The following RASGEF1C variants were observed in gnomAD, a reference collection of about 807,000 sequenced individuals.
RASGEF1C encodes ras-GEF domain-containing family member 1C.
Under a neutral mutation model 58.1 loss-of-function variants are expected in RASGEF1C, and 27 were observed. That is an observed-to-expected ratio of 0.46 (90% CI 0.34 to 0.64). The LOEUF (loss-of-function observed/expected upper bound fraction) is 0.64. RASGEF1C is among the 30% of genes least tolerant of loss of function. RASGEF1C has a pLI of 0.01. For missense variants in RASGEF1C, 502 were observed against 605.1 expected (o/e 0.83, Z 1.79); for synonymous variants, 243 against 246.3 (o/e 0.99, Z 0.13).
At chr5:180,162,836 T>C (rs1373367600) in intron 1 of RASGEF1C, among the ~76,000 whole-genome samples, 1 of 152,222 alleles carries the variant, frequency 6.6e-6, no homozygotes, top group Non-Finnish European at 1.5e-5. Context: ...CTTTACTACG[T>C]TGAGTCTTCC....
At chr5:180,191,363 ATTTT>A (rs35378832) in intron 1 of RASGEF1C, among the ~76,000 whole-genome samples, 2 of 150,668 alleles carry the variant, frequency 1.3e-5, no homozygotes, top group African/African-American at 4.9e-5. Flanking sequence ...TTATTTACTT[ATTTT>A]TTTTTTTGAG....
rs115331602 is a variant in RASGEF1C at position 180,201,108 on chromosome 5, C to G, written c.-7+7920G>C. 5.1e-3 allele frequency among the ~76,000 whole-genome samples: 771 copies of G among 152,162 alleles called. 3 individuals are homozygous for G. Among genetic ancestry groups the G allele is most frequent in the Middle Eastern group, 0.017 (5 of 294 alleles). On this transcript the variant is annotated intron_variant, in intron 1 of 13. Coordinates refer to ENST00000361132, the MANE Select transcript of RASGEF1C (RefSeq NM_175062.4). ...GCGAGACCTTGTCTCTAAATAAAAA[C>G]AAGAAGAAGAAAGTCCCACCCTACA...
intron 1 of RASGEF1C, among the ~76,000 whole-genome samples, chr5:180,170,695 C>G (rs538344135): frequency 2.4e-4 from 37 of 152,342 alleles, no homozygotes; most frequent in Non-Finnish European, 4.4e-4. Flanking sequence ...GGTGCTCTCC[C>G]TTTACCCCAG....
intron 1 of RASGEF1C, among the ~76,000 whole-genome samples, chr5:180,200,244 C>T (rs1561759744): frequency 6.7e-6 from 1 of 148,666 alleles, no homozygotes; most frequent in Non-Finnish European, 1.5e-5. Context: ...CCAGCCTGGG[C>T]TACAGAGCTG....
rs1468952775 is a variant in RASGEF1C at position 180,191,471 on chromosome 5, C to T, written c.-7+17557G>A. Among the ~76,000 whole-genome samples, 4 of 152,324 alleles carry T rather than the reference C, an allele frequency of 2.6e-5. No individual in the cohort carries two copies. In the South Asian group the frequency reaches 8.3e-4, roughly 32 times the overall value. ...TCCCGGGTTCACGCCATTCTCCTGCCTCAGCCTCCCAAGTAGCTGGGACTA... is the reference window on the plus strand; with the variant it reads ...TCCCGGGTTCACGCCATTCTCCTGCTTCAGCCTCCCAAGTAGCTGGGACTA... On this transcript the variant is annotated intron_variant, in intron 1 of 13. Transcript: ENST00000361132.
rs1358872163 is a variant in RASGEF1C at position 180,163,248 on chromosome 5, TTTTTC to T, written c.-6-25195_-6-25191del. Reference sequence around the variant, plus strand: ...CCCCCTCACTTTTTTTTTTTTTTTTTTTTTCCAGCCTATTGCACTGGCTAGGACTT... The same window carrying T: ...CCCCCTCACTTTTTTTTTTTTTTTTTCAGCCTATTGCACTGGCTAGGACTT... On this transcript the variant is annotated intron_variant, in intron 1 of 13. Coordinates refer to ENST00000361132, the MANE Select transcript of RASGEF1C (RefSeq NM_175062.4). Among the ~76,000 whole-genome samples, 9 of 82,228 alleles carry T rather than the reference TTTTTC, an allele frequency of 1.1e-4. 1 individual carries two copies. The highest frequency in any genetic ancestry group is 1.8e-4 in the Admixed American group (1 of 5,704). 53.9% of individuals were successfully genotyped at this position (82,228 alleles called of 152,430 possible). A position where few individuals can be genotyped will look rare whatever the true frequency, so the allele number is the denominator to read the frequency against.
At chr5:180,111,710 G>C in intron 11 of RASGEF1C, 130 bp from the exon 12 acceptor site, 1 of 960,852 alleles carries the variant, frequency 1.0e-6, no homozygotes, top group Non-Finnish European at 1.6e-6. Flanking sequence ...AGGAGCAGGG[G>C]GCGATAAATG....
intron 12 of RASGEF1C, among the ~76,000 whole-genome samples, chr5:180,104,762 C>T (rs1765847823): frequency 6.6e-6 from 1 of 152,172 alleles, no homozygotes; most frequent in Non-Finnish European, 1.5e-5. Context: ...ATTTAATAGT[C>T]ACAGGGCTAT....
Position 180,137,602 on chromosome 5 carries a change from C to T in RASGEF1C, c.288G>A (p.Pro96=). Residue 96 remains proline (P), a synonymous_variant, in exon 3 of 14, where the codon CCG becomes CCA. Transcript: ENST00000361132. The surrounding 1 kb of genome is among the most constrained non-coding windows in gnomAD (Gnocchi z 4.1). ...LCIEQQQLDK[P]VLDKARVRKF... ...CCCTCCGCCTCACCTTGTCCAGCAC[C>T]GGCTTGTCCAGCTGCTGCTGCTCGA... 2 of 1,605,276 alleles carry T rather than the reference C, an allele frequency of 1.2e-6. No individual in the cohort carries two copies. The highest frequency in any genetic ancestry group is 1.1e-5 in the South Asian group (1 of 90,492).
intron 1 of RASGEF1C, among the ~76,000 whole-genome samples, chr5:180,183,023 T>C (rs1755936394): frequency 2.6e-5 from 4 of 152,210 alleles, no homozygotes; most frequent in Non-Finnish European, 5.9e-5. Context: ...GTTTTGCAAG[T>C]TTAAGTAAAG....
chr5:180,172,478 G>C (rs755932468), intron 1 of RASGEF1C, among the ~76,000 whole-genome samples: 2 of 152,156 alleles, frequency 1.3e-5, no homozygotes, highest in African/African-American at 2.4e-5. Flanking sequence ...GAGGGACAGG[G>C]GGCACAGCAG....
intron 1 of RASGEF1C, among the ~76,000 whole-genome samples, chr5:180,195,915 A>T (rs566570142): frequency 2.8e-4 from 43 of 152,310 alleles, no homozygotes; most frequent in Non-Finnish European, 5.1e-4. Flanking sequence ...GAATATTATT[A>T]AAAACACTTA....
intron 6 of RASGEF1C, among the ~76,000 whole-genome samples, chr5:180,124,536 A>G (rs1766224751): frequency 6.6e-6 from 1 of 152,224 alleles, no homozygotes; most frequent in Non-Finnish European, 1.5e-5. Flanking sequence ...ACATTGATTA[A>G]AAAAACAGCC....
intron 1 of RASGEF1C, among the ~76,000 whole-genome samples, chr5:180,203,720 C>T (rs76380957): frequency 0.07 from 10,585 of 152,242 alleles, 562 homozygotes; most frequent in African/African-American, 0.13. Context: ...ACAGGCTGGG[C>T]GCGGTGGCTC....
At chr5:180,133,054 T>C (rs1766397579) in intron 4 of RASGEF1C, among the ~76,000 whole-genome samples, 1 of 149,452 alleles carries the variant, frequency 6.7e-6, no homozygotes, top group African/African-American at 2.5e-5. Flanking sequence ...GCCCAGTGGG[T>C]ATGGCCAGAG....
intron 1 of RASGEF1C, among the ~76,000 whole-genome samples, chr5:180,189,833 G>A (rs1756112808): frequency 7.6e-6 from 1 of 132,438 alleles, no homozygotes; most frequent in Admixed American, 9.2e-5. Context: ...TGAGGCAGGA[G>A]ATTTGCTTGA....
At position 180,137,469 on chromosome 5, in the gene RASGEF1C, G is replaced by T; in HGVS notation, c.300+121C>A. 7.3e-7 allele frequency: 1 copy of T among 1,374,304 alleles called. No homozygotes were observed. The highest frequency in any genetic ancestry group is 1.0e-6 in the Non-Finnish European group (1 of 1,003,134). 85.1% of individuals were successfully genotyped at this position (1,374,304 alleles called of 1,614,324 possible). A position where few individuals can be genotyped will look rare whatever the true frequency, so the allele number is the denominator to read the frequency against. On this transcript the variant is annotated intron_variant, in intron 3 of 13. Transcript: ENST00000361132. This position sits in a 1 kb window ranked among gnomAD's most constrained non-coding sequence, Gnocchi z 4.1. ...GGCCTCAGACAAGGTGGAAACACCC[G>T]GTAGCCACCTTGTCAGGAAAACGGG...
Position 180,137,603 on chromosome 5 carries a change from G to A in RASGEF1C, c.287C>T (p.Pro96Leu), listed in dbSNP as rs182311315. The A allele has an allele frequency of 8.1e-6, 13 of 1,606,850 alleles. No individual in the cohort carries two copies. In the African/African-American group the frequency reaches 1.2e-4, roughly 15 times the overall value. Residue 96 changes from proline (P) to leucine (L), a missense_variant, in exon 3 of 14, where the codon CCG becomes CTG. Transcript: ENST00000361132. This position sits in a 1 kb window ranked among gnomAD's most constrained non-coding sequence, Gnocchi z 4.1. ...LCIEQQQLDK[P>L]VLDKARVRKF... ...CCTCCGCCTCACCTTGTCCAGCACCGGCTTGTCCAGCTGCTGCTGCTCGAT... is the reference window on the plus strand; with the variant it reads ...CCTCCGCCTCACCTTGTCCAGCACCAGCTTGTCCAGCTGCTGCTGCTCGAT...
chr5:180,127,877 C>T (rs1392579916), intron 5 of RASGEF1C, among the ~76,000 whole-genome samples, 194 bp from the exon 6 acceptor site: 1 of 152,200 alleles, frequency 6.6e-6, no homozygotes, highest in African/African-American at 2.4e-5. Context: ...GGAGGCAGCC[C>T]CTCCTTTCCC....
Sources: gnomAD v4.1 joint callset for allele counts (sites outside exome capture counted in the v4.1 genomes callset) on GRCh38, gnomAD v4.1.1 for gene constraint, Gnocchi (gnomAD v3.1) non-coding constraint, MANE v1.5 for transcripts, NCBI Gene and HGNC (gene_info 2026-07-23, HGNC 2026-07-21) for gene names.